Variants in SLC16A7 observed in about 807,000 individuals in gnomAD.
The protein encoded by SLC16A7 is monocarboxylate transporter 2.
SLC16A7 carries 33 observed loss-of-function variants against 34.9 expected under a neutral mutation model. That is an observed-to-expected ratio of 0.94 (90% CI 0.72 to 1.26). SLC16A7 has a LOEUF of 1.26. SLC16A7 is among the 50% of genes most tolerant of loss of function. The probability of loss-of-function intolerance (pLI) is 0.00; values close to 1 mark genes in which losing one functional copy is unlikely to be tolerated. For synonymous variants in SLC16A7, 201 were observed against 206.6 expected, an observed-to-expected ratio of 0.97 and a Z score of 0.23; for missense variants, 573 against 578.1, an observed-to-expected ratio of 0.99 and a Z score of 0.09.
At chr12:59,736,685 C>T (rs1181886870) in intron 3 of SLC16A7, among the ~76,000 whole-genome samples, 3 of 152,206 alleles carry the variant, frequency 2.0e-5, no homozygotes, top group African/African-American at 2.4e-5. Flanking sequence ...TTGGAACTCA[C>T]TGCCTAATTC....
In SLC16A7 at chr12:59,781,733, A is replaced by G. The variant is rs898008602; in HGVS notation, c.*2054A>G. The G allele has an allele frequency of 1.3e-5, 2 of 152,554 alleles. No homozygotes were observed. Among genetic ancestry groups the G allele is most frequent in the Non-Finnish European group, 2.9e-5 (2 of 68,028 alleles). The allele number at this position is 152,554 out of a possible 1,614,324, so 9.5% of individuals were successfully genotyped here. ...TCAACTCAGATTTGTCAAGAAATGT[A>G]ACCTCTAAATTGTGTAGTACCTCTC... On this transcript the variant is annotated 3_prime_UTR_variant, in exon 6 of 6. Coordinates refer to ENST00000547379, the MANE Select transcript of SLC16A7 (RefSeq NM_001270623.2).
intron 2 of SLC16A7, among the ~76,000 whole-genome samples, chr12:59,692,272 T>G (rs1871754525): frequency 6.6e-6 from 1 of 151,978 alleles, no homozygotes; most frequent in Non-Finnish European, 1.5e-5. Context: ...AGGGCCCACC[T>G]GGGTAATCCA....
In SLC16A7 at chr12:59,649,744, T is replaced by G. The variant is rs143541815; in HGVS notation, c.-129-5408T>G. On this transcript the variant is annotated intron_variant, in intron 1 of 5. Coordinates refer to ENST00000547379, the MANE Select transcript of SLC16A7 (RefSeq NM_001270623.2). The stretch of plus-strand genomic sequence containing the variant: ...CAGGTGGATCACCTGAGGTGAGGAG[T>G]TCAAGACCAGCCTGGCCAACATGGC... Among the ~76,000 whole-genome samples, 1,511 of 151,404 alleles carry G rather than the reference T, an allele frequency of 1.0e-2. 15 individuals are homozygous for G. Among genetic ancestry groups the G allele is most frequent in the Non-Finnish European group, 0.014 (935 of 67,806 alleles).
chr12:59,765,720 G>T (rs1380822219), intron 3 of SLC16A7, among the ~76,000 whole-genome samples: 1 of 152,164 alleles, frequency 6.6e-6, no homozygotes, highest in South Asian at 2.1e-4. Context: ...GTATCATGCC[G>T]TTTTGGTGAC....
Position 59,785,840 on chromosome 12 carries a change from A to T in SLC16A7, c.*6161A>T, listed in dbSNP as rs1177245511. 1 of 152,140 alleles carries T rather than the reference A, an allele frequency of 6.6e-6. No homozygotes were observed. Among genetic ancestry groups the T allele is most frequent in the Non-Finnish European group, 1.5e-5 (1 of 68,028 alleles). The allele number at this position is 152,140 out of a possible 1,614,324, so 9.4% of individuals were successfully genotyped here. On this transcript the variant is annotated 3_prime_UTR_variant, in exon 6 of 6. Coordinates refer to ENST00000547379, the MANE Select transcript of SLC16A7 (RefSeq NM_001270623.2). Reference sequence around the variant, plus strand: ...ATAAGCTAGAGAATCTCAGTGTGAAAACACTGATACTGAACATTCTATTAA... The same window carrying T: ...ATAAGCTAGAGAATCTCAGTGTGAATACACTGATACTGAACATTCTATTAA...
In SLC16A7 at chr12:59,754,517, T is replaced by C. The variant is rs1419141808; in HGVS notation, c.218-16702T>C. Reference sequence around the variant, plus strand: ...AACTAGAAAATCTAGAAGAAATGGATAAATTCCTCGACACGTACACCCTCC... The same window carrying C: ...AACTAGAAAATCTAGAAGAAATGGACAAATTCCTCGACACGTACACCCTCC... On this transcript the variant is annotated intron_variant, in intron 3 of 5. Transcript: ENST00000547379. Among the ~76,000 whole-genome samples, 3 of 152,264 alleles carry C rather than the reference T, an allele frequency of 2.0e-5. No individual in the cohort carries two copies. In the East Asian group the frequency reaches 5.8e-4, roughly 29 times the overall value.
chr12:59,747,501 T>C (rs1382228796), intron 3 of SLC16A7, among the ~76,000 whole-genome samples: 4 of 152,220 alleles, frequency 2.6e-5, no homozygotes, highest in African/African-American at 9.6e-5. Context: ...CTTTTCCTGA[T>C]CCCCACCACA....
intron 3 of SLC16A7, chr12:59,761,027 C>G (rs550932864): frequency 1.6e-4 from 68 of 432,596 alleles, no homozygotes; most frequent in African/African-American, 1.3e-3. Flanking sequence ...ATTTTTTAAA[C>G]AACTAGTCTT....
intron 1 of SLC16A7, among the ~76,000 whole-genome samples, chr12:59,641,825 T>A (rs1204678449): frequency 6.6e-6 from 1 of 152,024 alleles, no homozygotes; most frequent in African/African-American, 2.4e-5. Context: ...ACTTTCTTTT[T>A]ATAGAATGTC....
intron 3 of SLC16A7, chr12:59,763,949 T>C (rs1881278964): frequency 6.6e-6 from 1 of 152,158 alleles, no homozygotes; most frequent in Admixed American, 6.6e-5. Flanking sequence ...TCTCCCCCTC[T>C]CCTAGGGCCT....
intron 2 of SLC16A7, among the ~76,000 whole-genome samples, chr12:59,697,811 A>T (rs1872488624): frequency 6.6e-6 from 1 of 151,786 alleles, no homozygotes. Context: ...AAAACCTGAA[A>T]CTTCATACTT....
chr12:59,747,692 A>C (rs534303077), intron 3 of SLC16A7, among the ~76,000 whole-genome samples: 3 of 152,334 alleles, frequency 2.0e-5, no homozygotes, highest in African/African-American at 7.2e-5. Flanking sequence ...CAATTATTTG[A>C]GCAGTTCTTT....
intron 1 of SLC16A7, among the ~76,000 whole-genome samples, chr12:59,654,716 C>G (rs1480724700): frequency 6.6e-6 from 1 of 151,818 alleles, no homozygotes; most frequent in Non-Finnish European, 1.5e-5. Context: ...CACACTCACA[C>G]TCACATATAT....
intron 1 of SLC16A7, among the ~76,000 whole-genome samples, chr12:59,597,827 T>C (rs949931635): frequency 1.3e-5 from 2 of 152,206 alleles, no homozygotes; most frequent in Non-Finnish European, 2.9e-5. Context: ...AAACTATTTT[T>C]TGCAAATACA....
intron 3 of SLC16A7, among the ~76,000 whole-genome samples, chr12:59,752,934 G>C (rs1056559843): frequency 6.6e-6 from 1 of 152,200 alleles, no homozygotes; most frequent in African/African-American, 2.4e-5. Context: ...AGCCAGAAGA[G>C]AGTGGAGGCC....
intron 2 of SLC16A7, among the ~76,000 whole-genome samples, chr12:59,695,251 G>A (rs1872147392): frequency 1.3e-5 from 2 of 151,814 alleles, no homozygotes; most frequent in African/African-American, 2.4e-5. Context: ...CCCTGCCAGA[G>A]GAAATAGATA....
intron 1 of SLC16A7, chr12:59,597,222 TAC>T (rs57912392): frequency 0.16 from 21,605 of 134,254 alleles, 1,723 homozygotes; most frequent in Middle Eastern, 0.2. Context: ...ATTAAAATTT[TAC>T]ACACACACAC....
chr12:59,602,936 GCAGGA>G (rs1878759188), intron 1 of SLC16A7, among the ~76,000 whole-genome samples: 1 of 152,106 alleles, frequency 6.6e-6, no homozygotes, highest in East Asian at 1.9e-4. Context: ...CTAGATGTTT[GCAGGA>G]CAGCTTCTCT....
chr12:59,681,786 G>A (rs1412490671), intron 2 of SLC16A7, among the ~76,000 whole-genome samples: 1 of 151,962 alleles, frequency 6.6e-6, no homozygotes, highest in Non-Finnish European at 1.5e-5. Context: ...CTTTGAGAGG[G>A]TCAGCTGTGG....
Sources: allele counts gnomAD v4.1 joint callset (sites outside exome capture counted in the v4.1 genomes callset), GRCh38; gene constraint gnomAD v4.1.1; transcripts MANE v1.5; gene names NCBI Gene and HGNC (gene_info 2026-07-23, HGNC 2026-07-21).